The following NOL4 variants were observed in gnomAD, a reference collection of about 807,000 sequenced individuals.
NOL4 encodes cancer/testis antigen 125.
NOL4 carries 17 observed loss-of-function variants against 75.9 expected under a neutral mutation model. The ratio of observed to expected loss-of-function variants is 0.22; its 90% CI spans 0.15 to 0.34. The LOEUF (loss-of-function observed/expected upper bound fraction) is 0.34. Ranked by LOEUF, NOL4 falls within the 10% of genes least tolerant of loss-of-function variation. The pLI is 1.00. For missense variants in NOL4, 614 were observed against 793.5 expected (o/e 0.77, Z 2.72); for synonymous variants, 292 against 289.9 (o/e 1.01, Z -0.07).
chr18:33,851,758 G>A lies in NOL4; in HGVS notation c.*1084C>T, dbSNP rs1316518456. The A allele has an allele frequency of 6.6e-6, 1 of 152,484 alleles. No individual in the cohort carries two copies. Among genetic ancestry groups the A allele is most frequent in the African/African-American group, 2.4e-5 (1 of 41,442 alleles). 9.4% of individuals were successfully genotyped at this position (152,484 alleles called of 1,614,324 possible). A position where few individuals can be genotyped will look rare whatever the true frequency, so the allele number is the denominator to read the frequency against. ...ATTGTAAGTTGCAGCTGCATCCGCT[G>A]AGAGTTCCTTACATTATTTTTAGCT... On this transcript the variant is annotated 3_prime_UTR_variant, in exon 11 of 11. Coordinates refer to ENST00000261592, the MANE Select transcript of NOL4 (RefSeq NM_003787.5).
intron 7 of NOL4, 31 bp from the exon 8 acceptor site, chr18:33,957,548 G>A (rs2069742472): frequency 6.4e-7 from 1 of 1,559,596 alleles, no homozygotes; most frequent in Non-Finnish European, 8.8e-7. Context: ...GAGGAGAAGG[G>A]TTTGGAGGGC....
At chr18:34,186,102 C>T (rs1237457164) in intron 1 of NOL4, among the ~76,000 whole-genome samples, 1 of 151,994 alleles carries the variant, frequency 6.6e-6, no homozygotes, top group African/African-American at 2.4e-5. Flanking sequence ...TGTTTGCTGA[C>T]AAAAATGATC....
intron 9 of NOL4, among the ~76,000 whole-genome samples, chr18:33,893,416 TG>T (rs935427985): frequency 6.6e-6 from 1 of 152,158 alleles, no homozygotes; most frequent in African/African-American, 2.4e-5. Context: ...GCCAACACAC[TG>T]AATTCCTAAC....
At chr18:33,933,954 G>A (rs941845342) in intron 9 of NOL4, among the ~76,000 whole-genome samples, 4 of 152,034 alleles carry the variant, frequency 2.6e-5, no homozygotes, top group African/African-American at 4.8e-5. Context: ...AATCACTAGC[G>A]ATGGCAGCCA....
intron 1 of NOL4, among the ~76,000 whole-genome samples, chr18:34,143,886 A>AC (rs1555738230): frequency 2.2e-4 from 32 of 145,442 alleles, no homozygotes; most frequent in Middle Eastern, 3.6e-3. Context: ...AAAAAAAAAA[A>AC]CCTGAAACTT....
At chr18:34,028,661 C>T (rs1366997504) in intron 5 of NOL4, among the ~76,000 whole-genome samples, 2 of 152,176 alleles carry the variant, frequency 1.3e-5, no homozygotes, top group Non-Finnish European at 2.9e-5. Context: ...GGCCAATGAC[C>T]ACATCAAAAC....
chr18:33,858,976 T>A (rs572413145), intron 10 of NOL4, among the ~76,000 whole-genome samples: 2 of 152,220 alleles, frequency 1.3e-5, no homozygotes, highest in Admixed American at 1.3e-4. Context: ...TTTATACTGT[T>A]TAAACTTTTA....
intron 10 of NOL4, among the ~76,000 whole-genome samples, chr18:33,877,826 T>TTG (rs113939972): frequency 0.011 from 1,659 of 148,212 alleles, 12 homozygotes; most frequent in East Asian, 0.022. Flanking sequence ...TGTTGTGTGA[T>TTG]TGTGTGTGTG....
intron 1 of NOL4, among the ~76,000 whole-genome samples, chr18:34,197,952 T>C (rs2035455778): frequency 6.6e-6 from 1 of 151,884 alleles, no homozygotes; most frequent in African/African-American, 2.4e-5. Context: ...TAGAAAAATA[T>C]TCTAAGAAGT....
At chr18:34,093,821 C>T (rs1399929038) in intron 4 of NOL4, among the ~76,000 whole-genome samples, 4 of 152,070 alleles carry the variant, frequency 2.6e-5, no homozygotes, top group Admixed American at 6.6e-5. Context: ...GGGCAGATCA[C>T]GAGGTCAGGA....
intron 5 of NOL4, among the ~76,000 whole-genome samples, chr18:34,078,714 A>C (rs1179215990): frequency 6.6e-6 from 1 of 152,228 alleles, no homozygotes; most frequent in African/African-American, 2.4e-5. Context: ...ACAGTTTTAA[A>C]ATGTTTTGCT....
At chr18:33,991,133 A>T (rs2072884831) in intron 6 of NOL4, among the ~76,000 whole-genome samples, 2 of 151,864 alleles carry the variant, frequency 1.3e-5, no homozygotes, top group East Asian at 3.9e-4. Context: ...ATCCTTAAGC[A>T]TCCTCTCACC....
intron 9 of NOL4, among the ~76,000 whole-genome samples, chr18:33,885,741 C>T (rs1053715363): frequency 1.1e-4 from 17 of 152,072 alleles, no homozygotes; most frequent in African/African-American, 4.1e-4. Flanking sequence ...ATTAGTACAA[C>T]CAATATGGAG....
At chr18:34,209,747 T>C (rs1248016348) in intron 1 of NOL4, among the ~76,000 whole-genome samples, 3 of 152,212 alleles carry the variant, frequency 2.0e-5, no homozygotes, top group African/African-American at 7.2e-5. Flanking sequence ...TTGGCAACAG[T>C]TCAACCCGTG....
At chr18:33,870,342 A>C (rs1382913417) in intron 10 of NOL4, among the ~76,000 whole-genome samples, 2 of 152,022 alleles carry the variant, frequency 1.3e-5, no homozygotes, top group African/African-American at 4.8e-5. Context: ...GCTGGGGTGA[A>C]TAGGGAGTAG....
chr18:33,909,766 T>A (rs2066280434), intron 9 of NOL4, among the ~76,000 whole-genome samples: 1 of 151,942 alleles, frequency 6.6e-6, no homozygotes, highest in African/African-American at 2.4e-5. Context: ...AAAATAAACA[T>A]GATCCCTGCC....
intron 8 of NOL4, among the ~76,000 whole-genome samples, chr18:33,955,351 G>A (rs1242163700): frequency 6.6e-6 from 1 of 152,012 alleles, no homozygotes; most frequent in Non-Finnish European, 1.5e-5. Context: ...CCTCTACTGT[G>A]AGCTGTGTTT....
chr18:34,114,407 A>G (rs1292950094), intron 2 of NOL4, among the ~76,000 whole-genome samples: 1 of 152,214 alleles, frequency 6.6e-6, no homozygotes, highest in Non-Finnish European at 1.5e-5. Flanking sequence ...CACTAAAAAA[A>G]TCACAACTTC....
In NOL4 at chr18:33,886,905, GATATATCTATATACATATATATCT is replaced by G. The variant is rs2064726385; in HGVS notation, c.1543-3505_1543-3482del. Among the ~76,000 whole-genome samples the G allele has an allele frequency of 5.9e-5, 7 of 119,074 alleles. No individual in the cohort carries two copies. The South Asian group carries it at 1.8e-3, about 30-fold the overall frequency. The allele number at this position is 119,074 out of a possible 152,430, so 78.1% of individuals were successfully genotyped here. A position where few individuals can be genotyped will look rare whatever the true frequency, so the allele number is the denominator to read the frequency against. On this transcript the variant is annotated intron_variant, in intron 9 of 10. Coordinates refer to ENST00000261592, the MANE Select transcript of NOL4 (RefSeq NM_003787.5). ...TATATATCTAGATATATTATATCTA[GATATATCTATATACATATATATCT>G]ATATATCTATATATCTAGATATATT...
Sources: gnomAD v4.1 joint callset for allele counts (sites outside exome capture counted in the v4.1 genomes callset) on GRCh38, gnomAD v4.1.1 for gene constraint, MANE v1.5 for transcripts, NCBI Gene and HGNC (gene_info 2026-07-23, HGNC 2026-07-21) for gene names.